PTPRN2: variants seen among roughly 807,000 people sequenced by gnomAD.
The protein encoded by PTPRN2 is protein tyrosine phosphatase receptor type N2.
A neutral mutation model predicts 118.8 loss-of-function variants in PTPRN2; 74 were observed. The observed-to-expected ratio is 0.62, with a 90% CI of 0.52 to 0.76. PTPRN2 has a LOEUF of 0.76. PTPRN2 is among the 30% of genes least tolerant of loss of function. PTPRN2 has a pLI of 0.00. For missense variants in PTPRN2, 1,481 were observed against 1,394.4 expected, an observed-to-expected ratio of 1.06 and a Z score of -0.99; for synonymous variants, 641 against 608.0, an observed-to-expected ratio of 1.05 and a Z score of -0.80.
chr7:157,732,098 G>A (rs1352339933), intron 12 of PTPRN2, among the ~76,000 whole-genome samples: 1 of 51,620 alleles, frequency 1.9e-5, no homozygotes, highest in Non-Finnish European at 3.6e-5. Context: ...ACCCTTTCCC[G>A]TCCCACGCGC....
intron 2 of PTPRN2, among the ~76,000 whole-genome samples, chr7:158,389,193 G>A (rs1811735118): frequency 6.6e-6 from 1 of 152,240 alleles, no homozygotes; most frequent in Admixed American, 6.5e-5. Context: ...GGCCACTGAG[G>A]CCACACCACA....
chr7:158,165,342 C>A (rs1822863938), intron 6 of PTPRN2, among the ~76,000 whole-genome samples: 1 of 152,194 alleles, frequency 6.6e-6, no homozygotes, highest in South Asian at 2.1e-4. Context: ...GTGGCCACTC[C>A]AGGCGGGCAG....
At chr7:157,815,170 C>T (rs112157015) in intron 12 of PTPRN2, among the ~76,000 whole-genome samples, 306 of 152,360 alleles carry the variant, frequency 2.0e-3, no homozygotes, top group African/African-American at 7.1e-3. Flanking sequence ...TCAGCCTCAC[C>T]GTCCTCACCT....
chr7:158,527,430 G>A (rs1219566164), intron 1 of PTPRN2, among the ~76,000 whole-genome samples: 1 of 152,238 alleles, frequency 6.6e-6, no homozygotes, highest in Non-Finnish European at 1.5e-5. Flanking sequence ...AGACACATGT[G>A]ATGAGCAGGT....
chr7:158,046,292 G>A (rs937934221), intron 11 of PTPRN2, among the ~76,000 whole-genome samples: 1 of 137,686 alleles, frequency 7.3e-6, no homozygotes, highest in Non-Finnish European at 1.5e-5. Flanking sequence ...CTGCGATCCT[G>A]GCATCCTGAC....
In PTPRN2 at chr7:158,475,302, C is replaced by T. The variant is rs1331452487; in HGVS notation, c.163+14433G>A. Among the ~76,000 whole-genome samples the T allele has an allele frequency of 4.2e-5, 6 of 142,028 alleles. No homozygotes were observed. The East Asian group carries it at 8.1e-4, about 19-fold the overall frequency. 93.2% of individuals were successfully genotyped at this position (142,028 alleles called of 152,430 possible). ...GCCCCGAAGGGCCCTGAGGACTCCC[C>T]AGCTCCCCCTGTCTGGGGCCAGATG... is the stretch of plus-strand genomic sequence containing the variant. On this transcript the variant is annotated intron_variant, in intron 2 of 22. Transcript: ENST00000389418.
chr7:157,612,484 A>G (rs1191363597), intron 15 of PTPRN2, among the ~76,000 whole-genome samples: 1 of 152,230 alleles, frequency 6.6e-6, no homozygotes, highest in African/African-American at 2.4e-5. Flanking sequence ...CACACGCCTT[A>G]TCACCAGGAC....
chr7:157,903,633 G>T lies in PTPRN2; in HGVS notation c.1724-4896C>A, dbSNP rs1259006034. Among the ~76,000 whole-genome samples the T allele has an allele frequency of 5.5e-5, 8 of 144,404 alleles. No individual in the cohort carries two copies. Among genetic ancestry groups the T allele is most frequent in the Non-Finnish European group, 1.2e-4 (8 of 66,012 alleles). 94.7% of individuals were successfully genotyped at this position (144,404 alleles called of 152,430 possible). On this transcript the variant is annotated intron_variant, in intron 11 of 22. Coordinates refer to ENST00000389418, the MANE Select transcript of PTPRN2 (RefSeq NM_002847.5). The surrounding 1 kb of genome is among the most constrained non-coding windows in gnomAD (Gnocchi z 4.2). ...AGCAAACAACCTGAATTAGTGTTTG[G>T]TTTTTTCTTTTTCCTTTTTTTTTTT...
At position 158,401,545 on chromosome 7, in the gene PTPRN2, C is replaced by CA. The variant is rs1176941866; in HGVS notation, c.164-84614dup. On this transcript the variant is annotated intron_variant, in intron 2 of 22. Transcript: ENST00000389418. Reference sequence around the variant, plus strand: ...TGGCCTAGTGCAGGAGTGGGGCTGCCATGGGACAGCCCCATGGTTGCCATG... The same window carrying CA: ...TGGCCTAGTGCAGGAGTGGGGCTGCCAATGGGACAGCCCCATGGTTGCCATG... Among the ~76,000 whole-genome samples, 4 of 152,216 alleles carry CA rather than the reference C, an allele frequency of 2.6e-5. No individual in the cohort carries two copies. In the South Asian group the frequency reaches 8.3e-4, roughly 32 times the overall value.
At chr7:157,910,112 T>A (rs1797998124) in intron 11 of PTPRN2, among the ~76,000 whole-genome samples, 1 of 152,274 alleles carries the variant, frequency 6.6e-6, no homozygotes, top group Admixed American at 6.5e-5. Context: ...TGAGGATTCC[T>A]GATTTGCAGT....
chr7:158,540,919 C>G (rs1206399237), intron 1 of PTPRN2, among the ~76,000 whole-genome samples: 1 of 152,212 alleles, frequency 6.6e-6, no homozygotes, highest in South Asian at 2.1e-4. Flanking sequence ...ATTTACCGAG[C>G]GCCAAGCACA....
chr7:158,095,767 G>A (rs1032485098), intron 10 of PTPRN2, among the ~76,000 whole-genome samples: 3 of 152,162 alleles, frequency 2.0e-5, no homozygotes, highest in Non-Finnish European at 2.9e-5. Flanking sequence ...TTGCAGAGAC[G>A]AGGTCTTGCT....
intron 1 of PTPRN2, among the ~76,000 whole-genome samples, chr7:158,508,911 C>A (rs1240445901): frequency 2.0e-5 from 3 of 147,550 alleles, no homozygotes; most frequent in Non-Finnish European, 3.0e-5. Context: ...ACGCTCGGAG[C>A]AGGTGCGGAA....
intron 13 of PTPRN2, among the ~76,000 whole-genome samples, chr7:157,663,197 G>T (rs1214740360): frequency 6.6e-6 from 1 of 152,144 alleles, no homozygotes; most frequent in African/African-American, 2.4e-5. Flanking sequence ...GTACGGCAGG[G>T]GTGGCAAGGG....
At chr7:158,111,630 C>A (rs1816282196) in intron 9 of PTPRN2, among the ~76,000 whole-genome samples, 1 of 152,218 alleles carries the variant, frequency 6.6e-6, no homozygotes, top group Admixed American at 6.5e-5. Context: ...AAGGCTTTCA[C>A]CCCAGCAGAC....
intron 2 of PTPRN2, among the ~76,000 whole-genome samples, chr7:158,460,656 C>T (rs1485725077): frequency 6.6e-6 from 1 of 152,264 alleles, no homozygotes; most frequent in East Asian, 1.9e-4. Context: ...GAAATGAAAA[C>T]TCACAGTCAC....
intron 11 of PTPRN2, among the ~76,000 whole-genome samples, chr7:157,957,698 G>A (rs947648870): frequency 6.6e-6 from 1 of 152,090 alleles, no homozygotes; most frequent in Non-Finnish European, 1.5e-5. Flanking sequence ...ACTGAGTCAT[G>A]AAGAACTAGA....
intron 1 of PTPRN2, among the ~76,000 whole-genome samples, chr7:158,494,974 C>T (rs1482604831): frequency 1.3e-5 from 2 of 152,192 alleles, no homozygotes; most frequent in East Asian, 3.9e-4. Flanking sequence ...ACAGACTCCA[C>T]GCCCAATCCG....
intron 2 of PTPRN2, among the ~76,000 whole-genome samples, chr7:158,481,460 C>T (rs143221538): frequency 6.6e-6 from 1 of 152,322 alleles, no homozygotes; most frequent in East Asian, 1.9e-4. Context: ...ATTTCCATTT[C>T]AAGACATATA....
Sources: allele counts gnomAD v4.1 joint callset (sites outside exome capture counted in the v4.1 genomes callset), GRCh38; gene constraint gnomAD v4.1.1; non-coding constraint Gnocchi (gnomAD v3.1); transcripts MANE v1.5; gene names NCBI Gene and HGNC (gene_info 2026-07-23, HGNC 2026-07-21).